SEMA5A: variants seen among roughly 807,000 people sequenced by gnomAD.
The protein encoded by SEMA5A is semaphorin 5A.
A neutral mutation model predicts 135.5 loss-of-function variants in SEMA5A; 55 were observed. That is an observed-to-expected ratio of 0.41 (90% CI 0.33 to 0.51). The LOEUF (loss-of-function observed/expected upper bound fraction) is 0.51. SEMA5A is among the 20% of genes least tolerant of loss of function. The pLI is 0.37. For missense variants in SEMA5A, 1,290 were observed against 1,419.9 expected (o/e 0.91, Z 1.47); for synonymous variants, 580 against 546.5 (o/e 1.06, Z -0.85).
intron 11 of SEMA5A, among the ~76,000 whole-genome samples, chr5:9,156,510 C>G (rs924264003): frequency 6.6e-6 from 1 of 152,148 alleles, no homozygotes; most frequent in African/African-American, 2.4e-5. Context: ...TTTGCGACAT[C>G]ATTACACAAG....
At chr5:9,228,214 G>A (rs1341697238) in intron 6 of SEMA5A, among the ~76,000 whole-genome samples, 1 of 152,168 alleles carries the variant, frequency 6.6e-6, no homozygotes, top group Non-Finnish European at 1.5e-5. Flanking sequence ...TAGCTCCAAA[G>A]GAACAGGGAA....
At chr5:9,300,004 A>G (rs374726882) in intron 5 of SEMA5A, among the ~76,000 whole-genome samples, 13 of 146,892 alleles carry the variant, frequency 8.9e-5, no homozygotes, top group African/African-American at 3.0e-4. Context: ...CAAAAAGAAA[A>G]CTGAAATTCT....
rs372607498 is a variant in SEMA5A, at chr5:9,271,490, A to C, written c.271-33600T>G. Reference sequence around the variant, plus strand: ...GCTAGAACAGTTTGGAGGGCACAGAAGAAGATAGGAAAATGTGGAAAAATT... The same window carrying C: ...GCTAGAACAGTTTGGAGGGCACAGACGAAGATAGGAAAATGTGGAAAAATT... On this transcript the variant is annotated intron_variant, in intron 5 of 22. Transcript: ENST00000382496. 2.6e-5 allele frequency among the ~76,000 whole-genome samples: 4 copies of C among 152,292 alleles called. No homozygotes were observed. In the South Asian group the frequency reaches 8.3e-4, roughly 32 times the overall value.
intron 1 of SEMA5A, among the ~76,000 whole-genome samples, chr5:9,484,678 T>C (rs1209713197): frequency 1.3e-5 from 2 of 152,200 alleles, no homozygotes; most frequent in African/African-American, 2.4e-5. Context: ...ATGCTTAACA[T>C]TGAAGGTGTA....
At chr5:9,354,151 C>T (rs375868491) in intron 3 of SEMA5A, among the ~76,000 whole-genome samples, 5 of 152,114 alleles carry the variant, frequency 3.3e-5, no homozygotes, top group Admixed American at 1.3e-4. Flanking sequence ...AAATGTCCTT[C>T]CATTGGCTTT....
At chr5:9,207,928 T>C (rs893828314) in intron 8 of SEMA5A, among the ~76,000 whole-genome samples, 1 of 151,902 alleles carries the variant, frequency 6.6e-6, no homozygotes, top group Non-Finnish European at 1.5e-5. Context: ...AGATAGATTT[T>C]AATAGATGGA....
chr5:9,324,510 T>A (rs1260587769), intron 4 of SEMA5A, among the ~76,000 whole-genome samples: 1 of 152,206 alleles, frequency 6.6e-6, no homozygotes, highest in Non-Finnish European at 1.5e-5. Flanking sequence ...TGGCCCCACA[T>A]ACAACTCCAA....
chr5:9,215,049 C>G (rs544232908), intron 8 of SEMA5A, among the ~76,000 whole-genome samples: 20 of 152,250 alleles, frequency 1.3e-4, no homozygotes, highest in Middle Eastern at 6.8e-3. Context: ...TTGTCCATAG[C>G]AGTACTGTAG....
chr5:9,440,927 GACAAGAC>G (rs1414512255), intron 1 of SEMA5A, among the ~76,000 whole-genome samples: 1 of 152,194 alleles, frequency 6.6e-6, no homozygotes, highest in African/African-American at 2.4e-5. Flanking sequence ...AATAAAAATG[GACAAGAC>G]CACCTGGCAT....
intron 1 of SEMA5A, among the ~76,000 whole-genome samples, chr5:9,538,274 G>A (rs563213909): frequency 1.3e-3 from 194 of 152,178 alleles, no homozygotes; most frequent in African/African-American, 4.3e-3. Context: ...AGAGCGGGGC[G>A]GGGGGAGGTG....
chr5:9,530,696 A>G (rs1419029182), intron 1 of SEMA5A, among the ~76,000 whole-genome samples: 1 of 152,184 alleles, frequency 6.6e-6, no homozygotes, highest in Non-Finnish European at 1.5e-5. Flanking sequence ...CTCAACTCAG[A>G]CCTCAGCTGC....
At chr5:9,137,380 C>G (rs1382143823) in intron 12 of SEMA5A, among the ~76,000 whole-genome samples, 1 of 152,042 alleles carries the variant, frequency 6.6e-6, no homozygotes, top group African/African-American at 2.4e-5. Flanking sequence ...TTAACTTTGT[C>G]TAAATGAAAG....
At chr5:9,485,423 G>T (rs758897391) in intron 1 of SEMA5A, among the ~76,000 whole-genome samples, 14 of 152,170 alleles carry the variant, frequency 9.2e-5, no homozygotes, top group East Asian at 1.9e-4. Flanking sequence ...AACTAAAAAG[G>T]TTGCTGGAAA....
chr5:9,384,665 G>GATAC, intron 2 of SEMA5A, among the ~76,000 whole-genome samples: 1 of 109,484 alleles, frequency 9.1e-6, no homozygotes, highest in South Asian at 3.0e-4. Context: ...GATAGATATA[G>GATAC]ATAGATAGAT....
intron 1 of SEMA5A, among the ~76,000 whole-genome samples, chr5:9,510,752 A>C (rs1244947682): frequency 6.6e-6 from 1 of 152,160 alleles, no homozygotes; most frequent in African/African-American, 2.4e-5. Flanking sequence ...ATATATCACA[A>C]TTCCCTTCAT....
At chr5:9,479,988 C>A (rs1759813583) in intron 1 of SEMA5A, among the ~76,000 whole-genome samples, 1 of 152,074 alleles carries the variant, frequency 6.6e-6, no homozygotes, top group African/African-American at 2.4e-5. Context: ...GATAAATGTT[C>A]TTTTTTTTCT....
intron 2 of SEMA5A, among the ~76,000 whole-genome samples, chr5:9,381,733 A>C (rs927240736): frequency 2.0e-5 from 3 of 152,204 alleles, no homozygotes; most frequent in African/African-American, 7.2e-5. Flanking sequence ...AGAATCTCTC[A>C]GTTGAACCCT....
chr5:9,060,536 C>T (rs1174935705), intron 18 of SEMA5A, among the ~76,000 whole-genome samples: 1 of 152,088 alleles, frequency 6.6e-6, no homozygotes, highest in African/African-American at 2.4e-5. Flanking sequence ...GGATTCCTCT[C>T]AGCCCCCAGA....
chr5:9,201,844 A>C, intron 9 of SEMA5A, 111 bp downstream of exon 9: 6 of 1,071,572 alleles, frequency 5.6e-6, no homozygotes, highest in Non-Finnish European at 8.0e-6. Flanking sequence ...AGCCCAGTAA[A>C]TTAAGAAAGA....
Sources: gnomAD v4.1 joint callset for allele counts (sites outside exome capture counted in the v4.1 genomes callset) on GRCh38, gnomAD v4.1.1 for gene constraint, MANE v1.5 for transcripts, NCBI Gene and HGNC (gene_info 2026-07-23, HGNC 2026-07-21) for gene names.